Variants in NPAS3 observed in about 807,000 individuals in gnomAD.
NPAS3 encodes neuronal PAS domain-containing protein 3.
Under a neutral mutation model 73.1 loss-of-function variants are expected in NPAS3, and 14 were observed. The observed-to-expected ratio is 0.19, with a 90% confidence interval of 0.13 to 0.30. The LOEUF (loss-of-function observed/expected upper bound fraction) is 0.30. NPAS3 is among the 10% of genes least tolerant of loss of function. NPAS3 has a pLI of 1.00. For missense variants in NPAS3, 1,096 were observed against 1,250.0 expected (o/e 0.88, Z 1.86); for synonymous variants, 620 against 541.5 (o/e 1.14, Z -2.01).
intron 4 of NPAS3, among the ~76,000 whole-genome samples, chr14:33,433,360 C>T (rs1014804247): frequency 2.6e-5 from 4 of 152,186 alleles, no homozygotes; most frequent in African/African-American, 7.2e-5. Context: ...GGAAACCACA[C>T]AGCATCATAA....
intron 2 of NPAS3, among the ~76,000 whole-genome samples, chr14:33,082,451 C>A (rs2041889523): frequency 6.6e-6 from 1 of 152,030 alleles, no homozygotes; most frequent in African/African-American, 2.4e-5. Context: ...AAATGTAAAC[C>A]CTTTTTGTTA....
intron 3 of NPAS3, among the ~76,000 whole-genome samples, chr14:33,351,596 C>A (rs930094279): frequency 6.6e-6 from 1 of 152,148 alleles, no homozygotes; most frequent in Non-Finnish European, 1.5e-5. Context: ...TGTATGTACA[C>A]GTAAGTGTAA....
chr14:33,294,322 C>T lies in NPAS3; in HGVS notation c.386-72864C>T, dbSNP rs56095847. On this transcript the variant is annotated intron_variant, in intron 3 of 11. Transcript: ENST00000356141. ...TGCCTACAGACATATTTACCTTTTT[C>T]TGGAATGCTCGATCCCAGGGCCTCA... 7.4e-3 allele frequency among the ~76,000 whole-genome samples: 1,134 copies of T among 152,248 alleles called. 18 individuals are homozygous for T. The highest frequency in any genetic ancestry group is 0.026 in the African/African-American group (1,091 of 41,536).
intron 3 of NPAS3, among the ~76,000 whole-genome samples, chr14:33,248,744 C>T (rs1274969625): frequency 1.3e-5 from 2 of 152,200 alleles, no homozygotes; most frequent in South Asian, 2.1e-4. Flanking sequence ...TGACCTTCTT[C>T]CTCTTCAAAT....
At chr14:33,502,836 C>T (rs17101350) in intron 4 of NPAS3, among the ~76,000 whole-genome samples, 33,432 of 151,874 alleles carry the variant, frequency 0.22, 4,411 homozygotes, top group East Asian at 0.47. Context: ...TATTTCTTAC[C>T]AATCCGTCTC....
chr14:33,670,614 G>T (rs537275261), intron 5 of NPAS3, among the ~76,000 whole-genome samples: 1 of 95,986 alleles, frequency 1.0e-5, no homozygotes, highest in African/African-American at 3.7e-5. Flanking sequence ...ATATAAATGT[G>T]ACCCCCCCTC....
In NPAS3 at chr14:33,523,451, CAAAAAA is replaced by C. The variant is rs755370427; in HGVS notation, c.469-36653_469-36648del. Among the ~76,000 whole-genome samples, 10 of 46,728 alleles carry C rather than the reference CAAAAAA, an allele frequency of 2.1e-4. No individual in the cohort carries two copies. In the South Asian group the frequency reaches 2.5e-3, roughly 12 times the overall value. 30.7% of individuals were successfully genotyped at this position (46,728 alleles called of 152,430 possible). Reference sequence around the variant, plus strand: ...TGGGCAACAGAGCGAGACTCTGTCTCAAAAAAAAAAAAAAAAAAAAAAGATCCTGGG... The same window carrying C: ...TGGGCAACAGAGCGAGACTCTGTCTCAAAAAAAAAAAAAAAAGATCCTGGG... On this transcript the variant is annotated intron_variant, in intron 4 of 11. Coordinates refer to ENST00000356141, the Ensembl canonical transcript of NPAS3.
chr14:33,743,544 A>G (rs1042705778), intron 7 of NPAS3, among the ~76,000 whole-genome samples: 6 of 152,210 alleles, frequency 3.9e-5, no homozygotes, highest in African/African-American at 1.4e-4. Flanking sequence ...TAAAAGCATA[A>G]TTCTTAAGAG....
chr14:33,233,806 C>G (rs966661101), intron 3 of NPAS3, among the ~76,000 whole-genome samples: 1 of 152,036 alleles, frequency 6.6e-6, no homozygotes, highest in African/African-American at 2.4e-5. Flanking sequence ...GACATCTATC[C>G]TGATAAAGAG....
At chr14:33,085,643 G>A in intron 2 of NPAS3, among the ~76,000 whole-genome samples, 1 of 152,002 alleles carries the variant, frequency 6.6e-6, no homozygotes, top group East Asian at 1.9e-4. Flanking sequence ...TAGCAGATTT[G>A]TGCCATAGAA....
At chr14:33,015,440 A>T (rs1349773672) in intron 1 of NPAS3, among the ~76,000 whole-genome samples, 6 of 152,224 alleles carry the variant, frequency 3.9e-5, no homozygotes, top group Non-Finnish European at 4.4e-5. Context: ...CCATAGTAAT[A>T]ATGGGGATGG....
At chr14:33,399,741 A>G (rs1119054) in intron 4 of NPAS3, among the ~76,000 whole-genome samples, 24,462 of 151,444 alleles carry the variant, frequency 0.16, 2,288 homozygotes, top group East Asian at 0.48. Flanking sequence ...GTGATTTTTA[A>G]TCTCACTACT....
At chr14:33,373,457 C>T (rs938818980) in intron 4 of NPAS3, among the ~76,000 whole-genome samples, 1 of 150,976 alleles carries the variant, frequency 6.6e-6, no homozygotes, top group East Asian at 2.0e-4. Context: ...TTACTAAGAA[C>T]TATCATGTAC....
intron 2 of NPAS3, among the ~76,000 whole-genome samples, chr14:33,070,690 G>A (rs2041456010): frequency 6.6e-6 from 1 of 152,156 alleles, no homozygotes; most frequent in Non-Finnish European, 1.5e-5. Flanking sequence ...TGGTTTGAAA[G>A]CTGAGATTGC....
intron 2 of NPAS3, among the ~76,000 whole-genome samples, chr14:33,175,995 G>A (rs2045576427): frequency 6.6e-6 from 1 of 151,992 alleles, no homozygotes; most frequent in African/African-American, 2.4e-5. Flanking sequence ...GTATATCCAT[G>A]TATTTATAAA....
intron 5 of NPAS3, among the ~76,000 whole-genome samples, chr14:33,668,511 C>A (rs551991011): frequency 9.9e-5 from 15 of 152,258 alleles, no homozygotes; most frequent in African/African-American, 3.1e-4. Context: ...AATCCAGTTA[C>A]CTTTCTTTAA....
At chr14:33,044,229 A>T (rs891191518) in intron 1 of NPAS3, among the ~76,000 whole-genome samples, 3 of 152,228 alleles carry the variant, frequency 2.0e-5, no homozygotes, top group Non-Finnish European at 4.4e-5. Flanking sequence ...ATCAACATTA[A>T]ATAACAACTG....
intron 4 of NPAS3, among the ~76,000 whole-genome samples, chr14:33,456,950 T>C (rs1336113875): frequency 6.6e-6 from 1 of 152,126 alleles, no homozygotes; most frequent in East Asian, 1.9e-4. Flanking sequence ...ACCTGCCTTG[T>C]TCTCAGTCGC....
chr14:33,139,487 G>T (rs752905598), intron 2 of NPAS3, among the ~76,000 whole-genome samples: 1 of 152,152 alleles, frequency 6.6e-6, no homozygotes, highest in African/African-American at 2.4e-5. Context: ...TGTATTGGTG[G>T]TTGGGTGAAT....
Sources: gnomAD v4.1 joint callset for allele counts (sites outside exome capture counted in the v4.1 genomes callset) on GRCh38, gnomAD v4.1.1 for gene constraint, MANE v1.5 for transcripts, NCBI Gene and HGNC (gene_info 2026-07-23, HGNC 2026-07-21) for gene names.